The following ATRX variants were observed in gnomAD, a reference collection of about 807,000 sequenced individuals.
The protein encoded by ATRX is chromatin remodeler ATRX.
Under a neutral mutation model 172.6 loss-of-function variants are expected in ATRX, and 12 were observed. The observed-to-expected ratio is 0.07, with a 90% CI of 0.04 to 0.11. ATRX has a LOEUF of 0.11. Ranked by LOEUF, ATRX falls within the 10% of genes least tolerant of loss-of-function variation. The pLI, the probability that ATRX is intolerant of heterozygous loss-of-function variation, is 1.00. For missense variants in ATRX, 1,368 were observed against 1,767.4 expected, an observed-to-expected ratio of 0.77 and a Z score of 4.05; for synonymous variants, 674 against 594.7, an observed-to-expected ratio of 1.13 and a Z score of -1.94.
rs2062713002 is a variant in ATRX, at chrX:77,506,670, A to C, written c.*1681T>G. 5.8e-6 allele frequency: 1 copy of C among 173,175 alleles called. No individual in the cohort carries two copies. Among genetic ancestry groups the C allele is most frequent in the Admixed American group, 8.1e-5 (1 of 12,415 alleles). The allele number at this position is 173,175 out of a possible 1,213,427, so 14.3% of individuals were successfully genotyped here. A position where few individuals can be genotyped will look rare whatever the true frequency, so the allele number is the denominator to read the frequency against. ...CTAGCATAATATCTAAATATACAGG[A>C]TTTATTAGTGATATTTCATCATGGG... On this transcript the variant is annotated 3_prime_UTR_variant, in exon 35 of 35. Coordinates refer to ENST00000373344, the MANE Select transcript of ATRX (RefSeq NM_000489.6).
intron 33 of ATRX, 52 bp from the exon 34 acceptor site, chrX:77,520,968 A>T (rs1486944818): frequency 9.0e-7 from 1 of 1,106,152 alleles, no homozygotes; most frequent in Non-Finnish European, 1.2e-6. Context: ...TTGAGGAAAA[A>T]TAATTAAGGT....
intron 27 of ATRX, among the ~76,000 whole-genome samples, chrX:77,583,057 A>C (rs947943718): frequency 8.9e-6 from 1 of 112,266 alleles, no homozygotes; most frequent in Non-Finnish European, 1.9e-5. Flanking sequence ...ACTATAAGCC[A>C]ATATCACTGG....
At chrX:77,589,296 G>C in intron 27 of ATRX, among the ~76,000 whole-genome samples, 1 of 111,731 alleles carries the variant, frequency 9.0e-6, no homozygotes, top group Non-Finnish European at 1.9e-5. Flanking sequence ...AAAGGGTACA[G>C]AGTTTTATTT....
At chrX:77,527,859 G>A (rs1167569928) in intron 30 of ATRX, among the ~76,000 whole-genome samples, 1 of 111,908 alleles carries the variant, frequency 8.9e-6, no homozygotes, top group African/African-American at 3.2e-5. Flanking sequence ...AATACAGCCT[G>A]CCAGCTGTGA....
intron 1 of ATRX, among the ~76,000 whole-genome samples, chrX:77,732,256 A>G (rs935152989): frequency 2.2e-4 from 25 of 111,524 alleles, no homozygotes; most frequent in African/African-American, 8.2e-4. Context: ...CCAGCTGGCC[A>G]GGTCCCGCAC....
Position 77,771,459 on chromosome X carries a change from CTTA to C in ATRX, c.20+14520_20+14522del, listed in dbSNP as rs782258784. ...ACCTCCCATATTCTCTCCAATCATA[CTTA>C]TTATCTCATTTTTCTCAAGGCACCC... On this transcript the variant is annotated intron_variant, in intron 1 of 34. Coordinates refer to ENST00000373344, the MANE Select transcript of ATRX (RefSeq NM_000489.6). Among the ~76,000 whole-genome samples the C allele has an allele frequency of 7.3e-5, 8 of 109,678 alleles. No individual in the cohort carries two copies. The South Asian group carries it at 3.2e-3, about 44-fold the overall frequency.
At chrX:77,596,091 C>T (rs782100208) in intron 25 of ATRX, 1 of 111,860 alleles carries the variant, frequency 8.9e-6, no homozygotes, top group Admixed American at 9.5e-5. Context: ...AAAAACGAGA[C>T]AGCTACTACA....
chrX:77,752,707 G>A (rs939741529), intron 1 of ATRX, among the ~76,000 whole-genome samples: 3 of 111,492 alleles, frequency 2.7e-5, no homozygotes, highest in East Asian at 2.8e-4. Flanking sequence ...AGGCCTTTTC[G>A]GCATCCATTG....
At chrX:77,651,923 A>C (rs1054904387) in intron 15 of ATRX, 191 bp downstream of exon 15, 1 of 445,786 alleles carries the variant, frequency 2.2e-6, no homozygotes, top group Admixed American at 4.0e-5. Context: ...TATTGAAGTC[A>C]TATACCAAAT....
chrX:77,515,550 A>T (rs1388509380), intron 34 of ATRX, among the ~76,000 whole-genome samples: 1 of 111,327 alleles, frequency 9.0e-6, no homozygotes, highest in Non-Finnish European at 1.9e-5. Flanking sequence ...CTCATACGGC[A>T]TTCATTACGG....
rs1366802371 is a variant in ATRX, at chrX:77,522,924, C to G, written c.6849+328G>C. ...ACTACAACCTCCAAACACTAAGCTC[C>G]TGTATGTTTGTTACTACAGAGAGGG... On this transcript the variant is annotated intron_variant, in intron 31 of 34. Coordinates refer to ENST00000373344, the MANE Select transcript of ATRX (RefSeq NM_000489.6). Among the ~76,000 whole-genome samples the G allele has an allele frequency of 4.5e-5, 5 of 111,896 alleles. No individual in the cohort carries two copies. The Admixed American group carries it at 4.7e-4, about 11-fold the overall frequency.
At chrX:77,767,062 A>G (rs1386090888) in intron 1 of ATRX, among the ~76,000 whole-genome samples, 1 of 112,557 alleles carries the variant, frequency 8.9e-6, no homozygotes, top group Non-Finnish European at 1.9e-5. Flanking sequence ...CACCAAAAAA[A>G]TACGAAAACC....
Position 77,506,677 on chromosome X carries a change from A to T in ATRX, c.*1674T>A, listed in dbSNP as rs2062713202. 1 of 175,483 alleles carries T rather than the reference A, an allele frequency of 5.7e-6. No individual in the cohort carries two copies. The highest frequency in any genetic ancestry group is 8.1e-5 in the East Asian group (1 of 12,411). The allele number at this position is 175,483 out of a possible 1,213,427, so 14.5% of individuals were successfully genotyped here. A position where few individuals can be genotyped will look rare whatever the true frequency, so the allele number is the denominator to read the frequency against. On this transcript the variant is annotated 3_prime_UTR_variant, in exon 35 of 35. Transcript: ENST00000373344. ...AATATCTAAATATACAGGATTTATT[A>T]GTGATATTTCATCATGGGAAAGTGG...
In ATRX at chrX:77,508,222, T is replaced by A; in HGVS notation, c.*129A>T. 2 of 807,662 alleles carry A rather than the reference T, an allele frequency of 2.5e-6. No individual in the cohort carries two copies. The highest frequency in any genetic ancestry group is 3.5e-6 in the Non-Finnish European group (2 of 572,841). The allele number at this position is 807,662 out of a possible 1,213,427, so 66.6% of individuals were successfully genotyped here. A position where few individuals can be genotyped will look rare whatever the true frequency, so the allele number is the denominator to read the frequency against. ...TATTTAAAAAAAAAAAAAGTAAAAC[T>A]AATATGGAAGATTGGCATTTAAGGG... On this transcript the variant is annotated 3_prime_UTR_variant, in exon 35 of 35. Transcript: ENST00000373344.
intron 30 of ATRX, among the ~76,000 whole-genome samples, chrX:77,555,517 T>C (rs782405832): frequency 1.8e-5 from 2 of 108,748 alleles, no homozygotes; most frequent in African/African-American, 3.4e-5. Context: ...CAAGGAATAC[T>C]ATGCAGCCAT....
At chrX:77,628,229 G>A (rs1186035446) in intron 19 of ATRX, among the ~76,000 whole-genome samples, 1 of 112,831 alleles carries the variant, frequency 8.9e-6, no homozygotes, top group Admixed American at 9.4e-5. Context: ...AGTACCTTGA[G>A]TTAATCCTGT....
chrX:77,711,591 T>C (rs1273173053), intron 2 of ATRX, among the ~76,000 whole-genome samples: 3 of 112,330 alleles, frequency 2.7e-5, no homozygotes, highest in African/African-American at 9.7e-5. Context: ...TCCCAGCACT[T>C]TGGGAAGCCG....
rs1428945830 is a variant in ATRX, at chrX:77,505,906, G to C, written c.*2445C>G. On this transcript the variant is annotated 3_prime_UTR_variant, in exon 35 of 35. Transcript: ENST00000373344. ...GTGACATCTTTTCTACAGTACTTAA[G>C]ATACTCAATACAGAACTGAAAAGCA... 5.9e-6 allele frequency: 1 copy of C among 168,211 alleles called. No homozygotes were observed. The highest frequency in any genetic ancestry group is 1.1e-5 in the Non-Finnish European group (1 of 87,602). 13.9% of individuals were successfully genotyped at this position (168,211 alleles called of 1,213,427 possible). A position where few individuals can be genotyped will look rare whatever the true frequency, so the allele number is the denominator to read the frequency against.
intron 27 of ATRX, among the ~76,000 whole-genome samples, chrX:77,576,611 C>G (rs184111738): frequency 5.0e-4 from 56 of 111,325 alleles, no homozygotes; most frequent in Non-Finnish European, 9.4e-4. Flanking sequence ...TACTATGGAC[C>G]TACTACATGT....
Sources: allele counts gnomAD v4.1 joint callset (sites outside exome capture counted in the v4.1 genomes callset), GRCh38; gene constraint gnomAD v4.1.1; transcripts MANE v1.5; gene names NCBI Gene and HGNC (gene_info 2026-07-23, HGNC 2026-07-21).